SHISA9: variants seen among roughly 807,000 people sequenced by gnomAD.
SHISA9 encodes shisa family member 9.
SHISA9 carries 13 observed loss-of-function variants against 38.0 expected under a neutral mutation model. The observed-to-expected ratio is 0.34, with a 90% confidence interval of 0.22 to 0.54. The LOEUF is 0.54. Ranked by LOEUF, SHISA9 falls within the 20% of genes least tolerant of loss-of-function variation. The pLI, the probability that SHISA9 is intolerant of heterozygous loss-of-function variation, is 0.91. For synonymous variants in SHISA9, 275 were observed against 242.0 expected (o/e 1.14, Z -1.27); for missense variants, 538 against 575.8 (o/e 0.93, Z 0.67).
At chr16:13,534,885 T>C in the SHISA9 span, among the ~76,000 whole-genome samples, 1 of 152,276 alleles carries the variant, frequency 6.6e-6, no homozygotes, top group African/African-American at 2.4e-5. Flanking sequence ...CTATTCTTAT[T>C]CTTTTTAATA....
intron 2 of SHISA9, chr16:13,203,121 T>G (rs2051021986): frequency 3.4e-6 from 1 of 296,604 alleles, no homozygotes; most frequent in Non-Finnish European, 6.2e-6. Context: ...AAAAATAACC[T>G]CTCTACTGAA....
rs145457136 is a variant in SHISA9, at chr16:12,996,874, T to C, written c.691+80059T>C. Among the ~76,000 whole-genome samples the C allele has an allele frequency of 3.3e-5, 5 of 152,272 alleles. No homozygotes were observed. In the East Asian group the frequency reaches 9.7e-4, roughly 29 times the overall value. On this transcript the variant is annotated intron_variant, in intron 2 of 4. Coordinates refer to ENST00000558583, the MANE Select transcript of SHISA9 (RefSeq NM_001145204.3). Reference sequence around the variant, plus strand: ...ATTCGAAAAAGATGGATGCCAAAATTAGCTTTATATAAGTCACCCAAGTCC... The same window carrying C: ...ATTCGAAAAAGATGGATGCCAAAATCAGCTTTATATAAGTCACCCAAGTCC...
At chr16:13,308,449 A>C in the SHISA9 span, among the ~76,000 whole-genome samples, 28 of 152,300 alleles carry the variant, frequency 1.8e-4, no homozygotes, top group Non-Finnish European at 3.7e-4. Flanking sequence ...TGCATTATTC[A>C]AGGTAGATTA....
intron 2 of SHISA9, among the ~76,000 whole-genome samples, chr16:12,964,256 A>G (rs1013735978): frequency 6.6e-6 from 1 of 152,226 alleles, no homozygotes; most frequent in African/African-American, 2.4e-5. Flanking sequence ...GCTTTAGCAC[A>G]CAGCAGGCAT....
intron 2 of SHISA9, among the ~76,000 whole-genome samples, chr16:13,162,975 A>C (rs542291146): frequency 6.6e-6 from 1 of 152,260 alleles, no homozygotes; most frequent in Middle Eastern, 3.4e-3. Flanking sequence ...ATGCTTTCTA[A>C]GTCAAAGAGA....
At chr16:13,373,797 T>A in the SHISA9 span, among the ~76,000 whole-genome samples, 1 of 149,166 alleles carries the variant, frequency 6.7e-6, no homozygotes, top group South Asian at 2.1e-4. Flanking sequence ...GTGACGATAG[T>A]GCCACCCCAA....
chr16:13,457,398 C>T, the SHISA9 span, among the ~76,000 whole-genome samples: 3 of 152,132 alleles, frequency 2.0e-5, no homozygotes, highest in African/African-American at 7.2e-5. Context: ...CTTGAACTTC[C>T]AGTTCAGAAG....
intron 2 of SHISA9, among the ~76,000 whole-genome samples, chr16:12,999,738 A>G (rs986251036): frequency 6.6e-6 from 1 of 152,166 alleles, no homozygotes; most frequent in South Asian, 2.1e-4. Context: ...GTATGCTGAC[A>G]TGTAGTTTGG....
the SHISA9 span, among the ~76,000 whole-genome samples, chr16:13,355,220 A>T: frequency 1.3e-5 from 2 of 150,158 alleles, no homozygotes; most frequent in Middle Eastern, 3.5e-3. Context: ...GGGGAATTGT[A>T]AGGAGAGTTT....
the SHISA9 span, among the ~76,000 whole-genome samples, chr16:13,308,722 C>A: frequency 5.9e-5 from 9 of 152,130 alleles, no homozygotes; most frequent in Non-Finnish European, 1.2e-4. Context: ...TGTTGTCATC[C>A]ATTGATTCAA....
intron 2 of SHISA9, among the ~76,000 whole-genome samples, chr16:12,951,220 C>CAAAAAAAAAAAAAAAAAA (rs1567350239): frequency 1.3e-5 from 1 of 77,686 alleles, no homozygotes; most frequent in Non-Finnish European, 2.3e-5. Flanking sequence ...GACTCCTTCT[C>CAAAAAAAAAAAAAAAAAA]CAAAAAAAAA....
chr16:13,032,689 A>G (rs927426989), intron 2 of SHISA9, among the ~76,000 whole-genome samples: 1 of 152,170 alleles, frequency 6.6e-6, no homozygotes, highest in Admixed American at 6.5e-5. Flanking sequence ...ACTTCTTTCT[A>G]TTACACTTTC....
At chr16:13,269,537 C>T in the SHISA9 span, among the ~76,000 whole-genome samples, 6 of 152,224 alleles carry the variant, frequency 3.9e-5, no homozygotes, top group Non-Finnish European at 7.3e-5. Context: ...CTCTGCCAAG[C>T]AGGCTCTTCT....
Position 13,218,166 on chromosome 16 carries a change from AAC to A in SHISA9, c.895+4868_895+4869del, listed in dbSNP as rs527806759. On this transcript the variant is annotated intron_variant, in intron 4 of 4. Coordinates refer to ENST00000558583, the MANE Select transcript of SHISA9 (RefSeq NM_001145204.3). ...AAACCGCAAAAGAAAAGTACGTCAC[AAC>A]AGGACCAGGGTCCAGACCTCAAAGA... 1.4e-3 allele frequency among the ~76,000 whole-genome samples: 210 copies of A among 152,340 alleles called. 1 individual carries two copies. Among genetic ancestry groups the A allele is most frequent in the African/African-American group, 4.8e-3 (200 of 41,578 alleles).
At chr16:13,432,255 T>C in the SHISA9 span, among the ~76,000 whole-genome samples, 1 of 152,190 alleles carries the variant, frequency 6.6e-6, no homozygotes, top group Non-Finnish European at 1.5e-5. Context: ...AGATGTAGGA[T>C]ATCTGTATTC....
chr16:13,505,125 T>A, the SHISA9 span, among the ~76,000 whole-genome samples: 4 of 152,242 alleles, frequency 2.6e-5, no homozygotes, highest in Non-Finnish European at 4.4e-5. Flanking sequence ...GCTAACAAAT[T>A]CCAGTATGGT....
At chr16:13,269,236 A>T in the SHISA9 span, among the ~76,000 whole-genome samples, 3 of 152,174 alleles carry the variant, frequency 2.0e-5, no homozygotes, top group East Asian at 5.8e-4. Context: ...ACTATATAGC[A>T]TGGTTTTGAA....
chr16:13,355,682 C>G, the SHISA9 span, among the ~76,000 whole-genome samples: 1 of 152,214 alleles, frequency 6.6e-6, no homozygotes, highest in East Asian at 1.9e-4. Context: ...GCAAGGGAAA[C>G]AGGCCCTTGA....
In SHISA9 at chr16:12,902,287, C is replaced by T. The variant is rs1269538253; in HGVS notation, c.223C>T (p.Arg75Trp). The T allele has an allele frequency of 3.2e-6, 5 of 1,549,818 alleles. No homozygotes were observed. Among genetic ancestry groups the T allele is most frequent in the Middle Eastern group, 3.3e-4 (2 of 6,002 alleles). Residue 75 changes from arginine (R) to tryptophan (W), a missense_variant, in exon 1 of 5, where the codon CGG becomes TGG. Arg to Trp is a moderately radical substitution (Grantham distance 101). Transcript: ENST00000558583. ...CCGGGCGCCCACGCCGGACTTCTGC[C>T]GGGGCTACTTCGATGTCATGGGCCA... is the stretch of plus-strand genomic sequence containing the variant. ...PTRAPTPDFC[R>W]GYFDVMGQWD...
Sources: allele counts gnomAD v4.1 joint callset (sites outside exome capture counted in the v4.1 genomes callset), GRCh38; gene constraint gnomAD v4.1.1; transcripts MANE v1.5; gene names NCBI Gene and HGNC (gene_info 2026-07-23, HGNC 2026-07-21).